LINGO1: variants seen among roughly 807,000 people sequenced by gnomAD.
The protein encoded by LINGO1 is leucine rich repeat and Ig domain containing 1.
Under a neutral mutation model 37.3 loss-of-function variants are expected in LINGO1, and 11 were observed. The ratio of observed to expected loss-of-function variants is 0.29; its 90% CI spans 0.19 to 0.49. LINGO1 has a LOEUF of 0.49. Ranked by LOEUF, LINGO1 falls within the 20% of genes least tolerant of loss-of-function variation. LINGO1 has a pLI of 0.99. For synonymous variants in LINGO1, 387 were observed against 403.0 expected, an observed-to-expected ratio of 0.96 and a Z score of 0.48; for missense variants, 585 against 878.2, an observed-to-expected ratio of 0.67 and a Z score of 4.22.
At chr15:77,665,731 C>A (rs926751790) in intron 3 of LINGO1, among the ~76,000 whole-genome samples, 15 of 152,248 alleles carry the variant, frequency 9.9e-5, no homozygotes, top group African/African-American at 3.6e-4. Context: ...AGGTGAGATG[C>A]TGAGCTGACC....
chr15:77,652,042 C>T (rs115025955), intron 3 of LINGO1: 1 of 152,160 alleles, frequency 6.6e-6, no homozygotes, highest in Non-Finnish European at 1.5e-5. Flanking sequence ...CCTGTTCCAT[C>T]CACTCTCTGA....
intron 1 of LINGO1, among the ~76,000 whole-genome samples, chr15:77,765,943 C>T (rs1277872919): frequency 6.6e-6 from 1 of 152,134 alleles, no homozygotes; most frequent in Non-Finnish European, 1.5e-5. Context: ...CACTGAACAT[C>T]GTCAAGCATT....
intron 1 of LINGO1, among the ~76,000 whole-genome samples, chr15:77,785,753 C>A (rs115536190): frequency 7.9e-5 from 12 of 152,136 alleles, no homozygotes; most frequent in Non-Finnish European, 1.5e-4. Context: ...CAAATCCTCC[C>A]GAGCTCTAAG....
At chr15:77,783,148 A>G (rs1270875142) in intron 1 of LINGO1, among the ~76,000 whole-genome samples, 2 of 152,156 alleles carry the variant, frequency 1.3e-5, no homozygotes, top group Non-Finnish European at 2.9e-5. Context: ...ATTCAGCCCC[A>G]GCCACTCCCT....
chr15:77,665,697 A>G (rs2075114081), intron 3 of LINGO1, among the ~76,000 whole-genome samples: 2 of 152,042 alleles, frequency 1.3e-5, no homozygotes, highest in South Asian at 2.1e-4. Flanking sequence ...ACCTGCCCAC[A>G]CCGCACCCTC....
intron 2 of LINGO1, among the ~76,000 whole-genome samples, chr15:77,680,838 T>C (rs982534696): frequency 1.3e-5 from 2 of 152,172 alleles, no homozygotes; most frequent in African/African-American, 4.8e-5. Context: ...GAGTGCAAAC[T>C]TAATTGCTGG....
rs1245826540 is a variant in LINGO1, at chr15:77,664,162, T to TGC, written c.-13+12926_-13+12927insGC. On this transcript the variant is annotated intron_variant, in intron 3 of 3. Transcript: ENST00000559893. ...GTGTGTGTGTGTGTGTGTGTGTGTG[T>TGC]GTGTGTGTGCGCGCGCGCATGCGTT... Among the ~76,000 whole-genome samples, 509 of 113,140 alleles carry TGC rather than the reference T, an allele frequency of 4.5e-3. 4 individuals carry two copies. Among genetic ancestry groups the TGC allele is most frequent in the Non-Finnish European group, 6.6e-3 (344 of 52,498 alleles). The allele number at this position is 113,140 out of a possible 152,430, so 74.2% of individuals were successfully genotyped here.
chr15:77,676,693 G>A (rs545598163), intron 3 of LINGO1, among the ~76,000 whole-genome samples: 4 of 152,350 alleles, frequency 2.6e-5, no homozygotes, highest in South Asian at 4.1e-4. Flanking sequence ...GGCAAAGGGA[G>A]ACCAACCTGG....
intron 1 of LINGO1, among the ~76,000 whole-genome samples, chr15:77,771,165 C>G (rs972762211): frequency 6.6e-6 from 1 of 152,220 alleles, no homozygotes; most frequent in Non-Finnish European, 1.5e-5. Context: ...TCCCGACCTT[C>G]CCCTGGACCT....
At chr15:77,791,518 C>T (rs568276869), upstream of LINGO1, among the ~76,000 whole-genome samples, 47 of 151,698 alleles carry the variant, frequency 3.1e-4, no homozygotes, top group African/African-American at 9.9e-4. Context: ...GAAAGAAGGG[C>T]GGGGAAGAAA....
In LINGO1 at chr15:77,730,985, A is replaced by T. The variant is rs189193489; in HGVS notation, c.-195+4007T>A. 4.6e-5 allele frequency among the ~76,000 whole-genome samples: 7 copies of T among 152,208 alleles called. 1 individual carries two copies. Among genetic ancestry groups the T allele is most frequent in the African/African-American group, 1.7e-4 (7 of 41,546 alleles). On this transcript the variant is annotated intron_variant, in intron 2 of 3. Transcript: ENST00000561686. ...ATTAGGGTCAGAATCCTGCCCCACA[A>T]CTGCCTAGCTGTGTGGCCTTGGGCA... is the stretch of plus-strand genomic sequence containing the variant.
At chr15:77,778,517 G>A (rs1307148647) in intron 1 of LINGO1, among the ~76,000 whole-genome samples, 1 of 152,182 alleles carries the variant, frequency 6.6e-6, no homozygotes. Context: ...CACCCCAGCT[G>A]ATTTTGCTGA....
intron 2 of LINGO1, among the ~76,000 whole-genome samples, chr15:77,733,514 T>C (rs1327078430): frequency 3.3e-5 from 5 of 152,128 alleles, no homozygotes; most frequent in Non-Finnish European, 5.9e-5. Context: ...TCCTCTCAGG[T>C]AACCCACCAC....
At chr15:77,674,754 C>T (rs2075302781) in intron 3 of LINGO1, among the ~76,000 whole-genome samples, 1 of 151,894 alleles carries the variant, frequency 6.6e-6, no homozygotes, top group Non-Finnish European at 1.5e-5. Context: ...CCAACACTTC[C>T]CATCCCCCTC....
chr15:77,680,925 G>A (rs559022991), intron 2 of LINGO1, among the ~76,000 whole-genome samples: 15 of 152,284 alleles, frequency 9.9e-5, no homozygotes, highest in African/African-American at 3.1e-4. Context: ...GGGACAACAC[G>A]AGGAACAAGG....
chr15:77,767,154 G>A (rs1449888591), intron 1 of LINGO1, among the ~76,000 whole-genome samples: 1 of 152,186 alleles, frequency 6.6e-6, no homozygotes, highest in Non-Finnish European at 1.5e-5. Flanking sequence ...AGAGCACATA[G>A]TGAATTATCA....
rs2073586964 is a variant in LINGO1 at position 77,613,805 on chromosome 15, CCA to C, written c.*237_*238del. ...CGTGTCGGTTCGTCGGCTTTCAACT[CCA>C]GTCTGTCAATGCCCCTGTGTAGGTG... is the stretch of plus-strand genomic sequence containing the variant. On this transcript the variant is annotated 3_prime_UTR_variant, in exon 2 of 2. Coordinates refer to ENST00000355300, the MANE Select transcript of LINGO1 (RefSeq NM_032808.7). 4 of 502,722 alleles carry C rather than the reference CCA, an allele frequency of 8.0e-6. No individual in the cohort carries two copies. Among genetic ancestry groups the C allele is most frequent in the Non-Finnish European group, 1.1e-5 (3 of 285,110 alleles). 31.1% of individuals were successfully genotyped at this position (502,722 alleles called of 1,614,324 possible).
chr15:77,697,233 C>T (rs1169121962), upstream of LINGO1, among the ~76,000 whole-genome samples: 1 of 152,158 alleles, frequency 6.6e-6, no homozygotes, highest in African/African-American at 2.4e-5. Flanking sequence ...CTGACCTGTA[C>T]GTGTGTCAGA....
At chr15:77,640,204 G>A (rs569063163) in intron 3 of LINGO1, among the ~76,000 whole-genome samples, 2 of 152,308 alleles carry the variant, frequency 1.3e-5, no homozygotes, top group Admixed American at 1.3e-4. Flanking sequence ...AGATAGGTGT[G>A]GCTTGAGAGA....
Sources: gnomAD v4.1 joint callset for allele counts (sites outside exome capture counted in the v4.1 genomes callset) on GRCh38, gnomAD v4.1.1 for gene constraint, MANE v1.5 for transcripts, NCBI Gene and HGNC (gene_info 2026-07-23, HGNC 2026-07-21) for gene names.